HECW2: variants seen among roughly 807,000 people sequenced by gnomAD.
HECW2 encodes the protein HECT, C2 and WW domain containing E3 ubiquitin protein ligase 2.
In HECW2, 61 loss-of-function variants were observed where a neutral mutation model predicts 175.2. The observed-to-expected ratio is 0.35, with a 90% CI of 0.28 to 0.43. The LOEUF (loss-of-function observed/expected upper bound fraction) is 0.43. HECW2 is among the 20% of genes least tolerant of loss of function. The pLI, the probability that HECW2 is intolerant of heterozygous loss-of-function variation, is 1.00. For synonymous variants in HECW2, 671 were observed against 731.0 expected (o/e 0.92, Z 1.32); for missense variants, 1,524 against 2,000.5 (o/e 0.76, Z 4.54).
intron 1 of HECW2, among the ~76,000 whole-genome samples, chr2:196,575,967 T>C (rs1031230181): frequency 2.0e-5 from 3 of 150,702 alleles, no homozygotes; most frequent in African/African-American, 7.3e-5. Context: ...GACCCAAACC[T>C]CCCACTAGGC....
Position 196,593,500 on chromosome 2 carries a change from C to T in HECW2, c.-36+8G>A, listed in dbSNP as rs933462336. 1 of 152,256 alleles carries T rather than the reference C, an allele frequency of 6.6e-6. No individual in the cohort carries two copies. The highest frequency in any genetic ancestry group is 2.4e-5 in the African/African-American group (1 of 41,458). 9.4% of individuals were successfully genotyped at this position (152,256 alleles called of 1,614,324 possible). ...GTCCGCGGAGAGCGAAGAGTCCGGC[C>T]TCCTCACCTCCAGCCGCGCCGGCGC... On this transcript the variant is annotated splice_region_variant and intron_variant, in intron 1 of 28. Transcript: ENST00000644978.
At chr2:196,463,961 T>A (rs1696845802) in intron 1 of HECW2, among the ~76,000 whole-genome samples, 1 of 152,086 alleles carries the variant, frequency 6.6e-6, no homozygotes, top group Admixed American at 6.6e-5. Context: ...CCCATTCTCC[T>A]TCCTCCACCT....
chr2:196,297,754 G>A (rs1690874357), intron 13 of HECW2, among the ~76,000 whole-genome samples: 1 of 152,196 alleles, frequency 6.6e-6, no homozygotes, highest in Non-Finnish European at 1.5e-5. Context: ...ATATTCACAA[G>A]GGAGCAGATT....
chr2:196,528,090 T>C (rs1301715748), intron 1 of HECW2, among the ~76,000 whole-genome samples: 1 of 152,154 alleles, frequency 6.6e-6, no homozygotes, highest in Admixed American at 6.5e-5. Context: ...ATGATGGAGG[T>C]GATAGCAACT....
intron 2 of HECW2, among the ~76,000 whole-genome samples, chr2:196,362,932 G>A (rs979015247): frequency 2.0e-5 from 3 of 152,128 alleles, no homozygotes; most frequent in African/African-American, 7.2e-5. Flanking sequence ...TTACATGTCA[G>A]GTACATTTGC....
At chr2:196,297,759 C>T (rs10166714) in intron 13 of HECW2, among the ~76,000 whole-genome samples, 31,875 of 152,110 alleles carry the variant, frequency 0.21, 3,615 homozygotes, top group Middle Eastern at 0.28. Context: ...CACAAGGGAG[C>T]AGATTTGAGC....
intron 1 of HECW2, among the ~76,000 whole-genome samples, chr2:196,575,638 T>C (rs1414685492): frequency 6.6e-6 from 1 of 152,212 alleles, no homozygotes; most frequent in East Asian, 1.9e-4. Context: ...GCTGTATTAG[T>C]CCATTTCGCA....
intron 1 of HECW2, among the ~76,000 whole-genome samples, chr2:196,478,110 G>C (rs10183297): frequency 0.11 from 16,489 of 152,032 alleles, 1,318 homozygotes; most frequent in African/African-American, 0.22. Flanking sequence ...AACTCACAGA[G>C]TACACAAGTC....
intron 1 of HECW2, among the ~76,000 whole-genome samples, chr2:196,545,400 G>A (rs1392813209): frequency 1.3e-5 from 2 of 152,100 alleles, no homozygotes; most frequent in African/African-American, 2.4e-5. Flanking sequence ...AAAGCCCAAC[G>A]GGAGAGCAGA....
At chr2:196,349,281 T>C (rs1414315555) in intron 2 of HECW2, among the ~76,000 whole-genome samples, 3 of 152,224 alleles carry the variant, frequency 2.0e-5, no homozygotes, top group Admixed American at 1.3e-4. Flanking sequence ...TGTTTTTTTG[T>C]TACAAAACAG....
chr2:196,316,446 G>A (rs974663650), intron 10 of HECW2: 1 of 152,150 alleles, frequency 6.6e-6, no homozygotes, highest in East Asian at 1.9e-4. Context: ...GTAAGTGGAG[G>A]GGGTGAGCAA....
chr2:196,265,891 T>C (rs972717560), intron 17 of HECW2, among the ~76,000 whole-genome samples: 48 of 152,192 alleles, frequency 3.2e-4, no homozygotes, highest in African/African-American at 1.1e-3. Context: ...AATTCAAACC[T>C]AGGCCTTTCT....
intron 2 of HECW2, among the ~76,000 whole-genome samples, chr2:196,348,656 GAAC>G (rs1377236462): frequency 6.6e-6 from 1 of 151,892 alleles, no homozygotes. Context: ...TCAAAAAAAA[GAAC>G]AATAACTGAA....
intron 1 of HECW2, among the ~76,000 whole-genome samples, chr2:196,590,695 C>T (rs1400354263): frequency 6.6e-6 from 1 of 152,170 alleles, no homozygotes; most frequent in Non-Finnish European, 1.5e-5. Flanking sequence ...GGGAAGATCC[C>T]AAAAGCCACC....
chr2:196,326,589 A>G (rs1247601926), intron 5 of HECW2, among the ~76,000 whole-genome samples: 1 of 151,850 alleles, frequency 6.6e-6, no homozygotes. Flanking sequence ...GATTACAGGC[A>G]CGTACCACCA....
chr2:196,221,723 C>T (rs1182257530), intron 24 of HECW2, among the ~76,000 whole-genome samples: 1 of 152,058 alleles, frequency 6.6e-6, no homozygotes, highest in Non-Finnish European at 1.5e-5. Context: ...CCACACCTGG[C>T]TAATTTTTGT....
At chr2:196,209,761 C>CTTTTTT (rs1687197480) in intron 28 of HECW2, among the ~76,000 whole-genome samples, 1 of 139,028 alleles carries the variant, frequency 7.2e-6, no homozygotes, top group African/African-American at 2.8e-5. Context: ...TTCTTTCTTT[C>CTTTTTT]TTTCTTTTTT....
At chr2:196,439,027 T>C (rs548984829) in intron 1 of HECW2, among the ~76,000 whole-genome samples, 1 of 152,310 alleles carries the variant, frequency 6.6e-6, no homozygotes, top group East Asian at 1.9e-4. Flanking sequence ...TTCAAATATA[T>C]ACCGGTTATT....
rs549979057 is a variant in HECW2 at position 196,339,533 on chromosome 2, G to A, written c.400+4124C>T. 9.9e-5 allele frequency among the ~76,000 whole-genome samples: 15 copies of A among 152,254 alleles called. No individual in the cohort carries two copies. The South Asian group carries it at 2.9e-3, about 29-fold the overall frequency. ...CTCACTCATTGATACAAGATTTAGTGAGCACCTAGAATAAGACCCAGCACA... is the reference window on the plus strand; with the variant it reads ...CTCACTCATTGATACAAGATTTAGTAAGCACCTAGAATAAGACCCAGCACA... On this transcript the variant is annotated intron_variant, in intron 3 of 28. Coordinates refer to ENST00000644978, the MANE Select transcript of HECW2 (RefSeq NM_001348768.2).
Sources: allele counts gnomAD v4.1 joint callset (sites outside exome capture counted in the v4.1 genomes callset), GRCh38; gene constraint gnomAD v4.1.1; transcripts MANE v1.5; gene names NCBI Gene and HGNC (gene_info 2026-07-23, HGNC 2026-07-21).